Variants in SNX4 observed in about 807,000 individuals in gnomAD.
SNX4 encodes the protein sorting nexin-4.
A neutral mutation model predicts 70.8 loss-of-function variants in SNX4; 49 were observed. That is an observed-to-expected ratio of 0.69 (90% CI 0.55 to 0.88). SNX4 has a LOEUF of 0.88. Among genes scored for constraint, SNX4 ranks in the 40% least tolerant of loss-of-function variants. The pLI is 0.00. For synonymous variants in SNX4, 206 were observed against 183.8 expected, an observed-to-expected ratio of 1.12 and a Z score of -0.98; for missense variants, 528 against 544.8, an observed-to-expected ratio of 0.97 and a Z score of 0.31.
chr3:125,454,132 T>C (rs1933649932), intron 11 of SNX4, among the ~76,000 whole-genome samples, 177 bp from the exon 12 acceptor site: 1 of 152,268 alleles, frequency 6.6e-6, no homozygotes, highest in African/African-American at 2.4e-5. Flanking sequence ...ACAAATACTG[T>C]ATGATTCCAC....
At chr3:125,478,832 T>C (rs908875291) in intron 7 of SNX4, among the ~76,000 whole-genome samples, 1 of 152,148 alleles carries the variant, frequency 6.6e-6, no homozygotes, top group Non-Finnish European at 1.5e-5. Flanking sequence ...ACGAGAACTA[T>C]TGCCTAATTT....
chr3:125,463,331 T>C (rs1933929319), intron 9 of SNX4, among the ~76,000 whole-genome samples: 1 of 152,206 alleles, frequency 6.6e-6, no homozygotes, highest in South Asian at 2.1e-4. Flanking sequence ...TCTATGATTC[T>C]GGAAGAGTTA....
At chr3:125,485,661 A>C (rs1934507779) in intron 6 of SNX4, among the ~76,000 whole-genome samples, 1 of 152,210 alleles carries the variant, frequency 6.6e-6, no homozygotes, top group South Asian at 2.1e-4. Context: ...TACTGAAAAT[A>C]AATCAAGCCA....
At chr3:125,467,455 T>A (rs1176684745) in intron 9 of SNX4, among the ~76,000 whole-genome samples, 1 of 151,986 alleles carries the variant, frequency 6.6e-6, no homozygotes, top group African/African-American at 2.4e-5. Context: ...CAGATACTTC[T>A]CAACAGAAGA....
intron 12 of SNX4, 44 bp from the exon 13 acceptor site, chr3:125,451,463 AACTGTGTAC>A: frequency 7.1e-7 from 1 of 1,415,866 alleles, no homozygotes; most frequent in Non-Finnish European, 9.9e-7. Context: ...AAGTTAAATA[AACTGTGTAC>A]TAAAAAGTTA....
At chr3:125,449,449 G>GA (rs1452798180) in intron 13 of SNX4, among the ~76,000 whole-genome samples, 3 of 150,618 alleles carry the variant, frequency 2.0e-5, no homozygotes, top group African/African-American at 4.9e-5. Flanking sequence ...AAGAAAGAAA[G>GA]AAGGTCTCAC....
intron 1 of SNX4, among the ~76,000 whole-genome samples, chr3:125,514,460 C>T (rs1935233522): frequency 6.7e-6 from 1 of 149,570 alleles, no homozygotes; most frequent in Admixed American, 6.7e-5. Flanking sequence ...GGCATGATCA[C>T]AGCTCACTGC....
chr3:125,490,754 A>C (rs1053312484), intron 5 of SNX4, among the ~76,000 whole-genome samples: 1 of 151,656 alleles, frequency 6.6e-6, no homozygotes, highest in Admixed American at 6.6e-5. Context: ...ACACATCCAA[A>C]TCCTGTCCTG....
intron 6 of SNX4, among the ~76,000 whole-genome samples, chr3:125,487,524 C>CA (rs1376559203): frequency 6.6e-6 from 1 of 152,004 alleles, no homozygotes; most frequent in African/African-American, 2.4e-5. Context: ...AAATATCAAT[C>CA]AAAAACGATT....
At position 125,471,344 on chromosome 3, in the gene SNX4, C is replaced by CAAAAAAAAA. The variant is rs767432586; in HGVS notation, c.789-1834_789-1826dup. ...GGGCAACAAGAGCAAAGCTCCATCTCAAAAAAAAAAAAAAAAAAAAAAAAA... is the reference window on the plus strand; with the variant it reads ...GGGCAACAAGAGCAAAGCTCCATCTCAAAAAAAAAAAAAAAAAAAAAAAAAAAAAAAAAA... On this transcript the variant is annotated intron_variant, in intron 8 of 13. Transcript: ENST00000251775. 2.2e-3 allele frequency among the ~76,000 whole-genome samples: 61 copies of CAAAAAAAAA among 28,148 alleles called. 7 individuals carry two copies. The highest frequency in any genetic ancestry group is 0.01 in the African/African-American group (55 of 5,452). The allele number at this position is 28,148 out of a possible 152,430, so 18.5% of individuals were successfully genotyped here.
chr3:125,454,957 C>G (rs1933672160), intron 11 of SNX4, among the ~76,000 whole-genome samples: 1 of 151,380 alleles, frequency 6.6e-6, no homozygotes, highest in Non-Finnish European at 1.5e-5. Context: ...GAAATGGGGT[C>G]TTGCTCTGTT....
intron 1 of SNX4, among the ~76,000 whole-genome samples, chr3:125,510,971 T>C (rs191002159): frequency 6.6e-6 from 1 of 152,242 alleles, no homozygotes; most frequent in Admixed American, 6.5e-5. Flanking sequence ...TAGGCTGGAG[T>C]GCAATGGCAC....
intron 1 of SNX4, among the ~76,000 whole-genome samples, chr3:125,518,759 T>C (rs374154448): frequency 6.6e-6 from 1 of 151,958 alleles, no homozygotes; most frequent in Non-Finnish European, 1.5e-5. Context: ...TCCCAGCACC[T>C]TGGGAGGCCG....
At position 125,453,796 on chromosome 3, in the gene SNX4, C is replaced by T. The variant is rs374952721; in HGVS notation, c.1190+14G>A. ...CTACAAGCCTAGCTTACTTAAACAT[C>T]GCAGCATCTTTACCTGCCTTCCAGA... On this transcript the variant is annotated intron_variant, in intron 12 of 13. Transcript: ENST00000251775. 111 of 1,612,616 alleles carry T rather than the reference C, an allele frequency of 6.9e-5. No individual in the cohort carries two copies. Among genetic ancestry groups the T allele is most frequent in the Non-Finnish European group, 8.6e-5 (102 of 1,179,218 alleles).
Position 125,469,535 on chromosome 3 carries a change from T to G in SNX4, c.789-16A>C. ...ACTCCATTCACTAGGGAGTAAAAGA[T>G]AAAACCAAAAGCAACATGCATTAGA... On this transcript the variant is annotated splice_polypyrimidine_tract_variant and intron_variant, in intron 8 of 13. Transcript: ENST00000251775. 1 of 1,588,062 alleles carries G rather than the reference T, an allele frequency of 6.3e-7. No individual in the cohort carries two copies.
Position 125,489,399 on chromosome 3 carries a change from A to G in SNX4, c.653+9T>C, listed in dbSNP as rs1286099971. On this transcript the variant is annotated intron_variant, in intron 6 of 13. Coordinates refer to ENST00000251775, the MANE Select transcript of SNX4 (RefSeq NM_003794.4). ...CAACATTGTAACTGTTATTAAAACA[A>G]AACCTTACTTGTCTGGGTTTTTCAC... 6.2e-7 allele frequency: 1 copy of G among 1,609,012 alleles called. No individual in the cohort carries two copies. The highest frequency in any genetic ancestry group is 1.3e-5 in the African/African-American group (1 of 74,790).
chr3:125,464,116 T>C (rs1000884991), intron 9 of SNX4, among the ~76,000 whole-genome samples: 1 of 152,172 alleles, frequency 6.6e-6, no homozygotes, highest in Non-Finnish European at 1.5e-5. Flanking sequence ...TTTTTAAGTA[T>C]ACAACTCAGT....
intron 6 of SNX4, among the ~76,000 whole-genome samples, chr3:125,481,378 T>G (rs992162862): frequency 1.3e-5 from 2 of 152,164 alleles, no homozygotes; most frequent in African/African-American, 2.4e-5. Context: ...TGAAGCTTCT[T>G]TTGTAGTACT....
chr3:125,482,539 C>T lies in SNX4; in HGVS notation c.654-2220G>A, dbSNP rs1934435536. 4.6e-5 allele frequency among the ~76,000 whole-genome samples: 7 copies of T among 152,022 alleles called. No individual in the cohort carries two copies. The South Asian group carries it at 1.5e-3, about 32-fold the overall frequency. The stretch of plus-strand genomic sequence containing the variant: ...TCTCACCAGTCCTCCTGACTGGCCT[C>T]CTAGCCCACTCCCACACTCCTCTAA... On this transcript the variant is annotated intron_variant, in intron 6 of 13. Transcript: ENST00000251775.
Sources: gnomAD v4.1 joint callset for allele counts (sites outside exome capture counted in the v4.1 genomes callset) on GRCh38, gnomAD v4.1.1 for gene constraint, MANE v1.5 for transcripts, NCBI Gene and HGNC (gene_info 2026-07-23, HGNC 2026-07-21) for gene names.